Variants in PDCD6IP observed in about 807,000 individuals in gnomAD.
PDCD6IP encodes the protein programmed cell death 6-interacting protein.
In PDCD6IP, 43 loss-of-function variants were observed where a neutral mutation model predicts 103.7. The ratio of observed to expected loss-of-function variants is 0.41; its 90% CI spans 0.32 to 0.53. The LOEUF (loss-of-function observed/expected upper bound fraction) is 0.53. PDCD6IP is among the 20% of genes least tolerant of loss of function. The pLI is 0.16. For synonymous variants in PDCD6IP, 354 were observed against 378.7 expected (o/e 0.93, Z 0.76); for missense variants, 871 against 1,036.7 (o/e 0.84, Z 2.20).
chr3:33,827,136 G>A (rs1697144561), intron 6 of PDCD6IP: 1 of 985,344 alleles, frequency 1.0e-6, no homozygotes, highest in Non-Finnish European at 1.2e-6. Context: ...ATCACAGGAA[G>A]TATAATGTTT....
chr3:33,814,713 ATG>A (rs1379598716), intron 3 of PDCD6IP, among the ~76,000 whole-genome samples: 3 of 146,148 alleles, frequency 2.1e-5, no homozygotes, highest in East Asian at 2.0e-4. Flanking sequence ...GTATGTATAT[ATG>A]TAAGTATATA....
chr3:33,804,546 A>G (rs1248761661), intron 1 of PDCD6IP, among the ~76,000 whole-genome samples: 2 of 152,226 alleles, frequency 1.3e-5, no homozygotes, highest in African/African-American at 2.4e-5. Context: ...CCGTAATTTT[A>G]TTCCACATAG....
chr3:33,811,456 T>G (rs1323646558), intron 1 of PDCD6IP, among the ~76,000 whole-genome samples: 1 of 152,180 alleles, frequency 6.6e-6, no homozygotes, highest in African/African-American at 2.4e-5. Flanking sequence ...GCCTGACCCT[T>G]TTCTCCTCCT....
At chr3:33,842,963 G>A (rs1206725952) in intron 10 of PDCD6IP, among the ~76,000 whole-genome samples, 2 of 152,142 alleles carry the variant, frequency 1.3e-5, no homozygotes, top group South Asian at 2.1e-4. Flanking sequence ...GAAAGAATTT[G>A]TGTTTGCTTC....
chr3:33,813,866 G>C (rs1696771560), intron 3 of PDCD6IP, among the ~76,000 whole-genome samples: 1 of 152,188 alleles, frequency 6.6e-6, no homozygotes, highest in Non-Finnish European at 1.5e-5. Context: ...TTTTTGGGAA[G>C]ATAGTTGATC....
chr3:33,839,091 G>T (rs1201777195), intron 9 of PDCD6IP, among the ~76,000 whole-genome samples: 1 of 152,130 alleles, frequency 6.6e-6, no homozygotes, highest in East Asian at 1.9e-4. Flanking sequence ...ACGGGCATGA[G>T]CCACCATGCT....
chr3:33,803,890 G>A (rs1220542047), intron 1 of PDCD6IP, among the ~76,000 whole-genome samples: 6 of 151,826 alleles, frequency 4.0e-5, no homozygotes, highest in Non-Finnish European at 7.4e-5. Flanking sequence ...TTAGGACTGT[G>A]TATTTTTTTC....
At position 33,836,726 on chromosome 3, in the gene PDCD6IP, G is replaced by GTGC. The variant is rs1276089040; in HGVS notation, c.1057+461_1057+463dup. ...AAAAAAAAATTAACTGGGCATGGTG[G>GTGC]TGCATGCCTGTGGCTTTAGCTACTC... On this transcript the variant is annotated intron_variant, in intron 8 of 17. Coordinates refer to ENST00000307296, the MANE Select transcript of PDCD6IP (RefSeq NM_013374.6). 5.9e-5 allele frequency among the ~76,000 whole-genome samples: 9 copies of GTGC among 151,566 alleles called. No homozygotes were observed. In the East Asian group the frequency reaches 1.6e-3, roughly 26 times the overall value.
intron 1 of PDCD6IP, among the ~76,000 whole-genome samples, chr3:33,801,183 C>T (rs146403718): frequency 8.7e-4 from 132 of 152,172 alleles, no homozygotes; most frequent in Non-Finnish European, 1.3e-3. Flanking sequence ...TAGGTATATA[C>T]GCTGTAAAAT....
At chr3:33,845,327 A>C in intron 11 of PDCD6IP, 92 bp from the exon 12 acceptor site, 1 of 865,006 alleles carries the variant, frequency 1.2e-6, no homozygotes, top group East Asian at 2.7e-5. Flanking sequence ...GAGGATAAGT[A>C]AAGTTGGAGA....
rs188550227 is a variant in PDCD6IP at position 33,866,193 on chromosome 3, C to T, written c.2433-158C>T. Among the ~76,000 whole-genome samples the T allele has an allele frequency of 2.0e-5, 3 of 152,272 alleles. No individual in the cohort carries two copies. The East Asian group carries it at 5.8e-4, about 29-fold the overall frequency. On this transcript the variant is annotated intron_variant, in intron 17 of 17. Transcript: ENST00000307296. ...AATAACAGGATAGGAATGCTTTTCT[C>T]TGACAAGTGCCTTGAAACAGTTTTT... is the stretch of plus-strand genomic sequence containing the variant.
At chr3:33,851,572 A>G (rs992726986) in intron 12 of PDCD6IP, among the ~76,000 whole-genome samples, 1 of 151,958 alleles carries the variant, frequency 6.6e-6, no homozygotes, top group Non-Finnish European at 1.5e-5. Context: ...ACTGGGCTGA[A>G]GCAATTCTCC....
At chr3:33,853,806 G>T in intron 13 of PDCD6IP, 73 bp from the exon 14 acceptor site, 1 of 1,178,552 alleles carries the variant, frequency 8.5e-7, no homozygotes, top group South Asian at 2.3e-5. Context: ...AATTGGAAAA[G>T]ATCAATAAAA....
intron 5 of PDCD6IP, 48 bp from the exon 6 acceptor site, chr3:33,826,432 A>G (rs1697125214): frequency 7.8e-7 from 1 of 1,288,002 alleles, no homozygotes; most frequent in Admixed American, 2.0e-5. Context: ...GAGACATGTC[A>G]GATTAGCTCA....
At chr3:33,847,434 A>T (rs72619961) in intron 12 of PDCD6IP, among the ~76,000 whole-genome samples, 27,920 of 151,970 alleles carry the variant, frequency 0.18, 2,957 homozygotes, top group East Asian at 0.39. Flanking sequence ...AAATTTCAGT[A>T]CTCTCTGTAT....
In PDCD6IP at chr3:33,866,509, ACT is replaced by A. The variant is rs1180182291; in HGVS notation, c.2592_2593del (p.Tyr864Ter). Reference sequence around the variant, plus strand: ...TTCCCTCAGCCCCCACAGCAGTCTTACTATCCACAGCAGTAATATGTCTGCTC... The same window carrying A: ...TTCCCTCAGCCCCCACAGCAGTCTTAATCCACAGCAGTAATATGTCTGCTC... On this transcript the variant is annotated stop_gained and frameshift_variant, in exon 18 of 18. Transcript: ENST00000307296. LOFTEE classifies it high-confidence loss of function. 1.2e-6 allele frequency: 2 copies of A among 1,606,634 alleles called. No individual in the cohort carries two copies. Among genetic ancestry groups the A allele is most frequent in the Non-Finnish European group, 8.5e-7 (1 of 1,177,768 alleles).
Position 33,867,981 on chromosome 3 carries a change from T to C in PDCD6IP, c.*1456T>C, listed in dbSNP as rs921360813. ...AAGGGAGTGAATTGGTTTAAAAATA[T>C]ATGTATATTTTAAACTTTGTTGTGT... On this transcript the variant is annotated 3_prime_UTR_variant, in exon 18 of 18. Coordinates refer to ENST00000307296, the MANE Select transcript of PDCD6IP (RefSeq NM_013374.6). 1.3e-5 allele frequency: 2 copies of C among 152,228 alleles called. No homozygotes were observed. Among genetic ancestry groups the C allele is most frequent in the Admixed American group, 6.5e-5 (1 of 15,280 alleles). 9.4% of individuals were successfully genotyped at this position (152,228 alleles called of 1,614,324 possible). A position where few individuals can be genotyped will look rare whatever the true frequency, so the allele number is the denominator to read the frequency against.
chr3:33,865,374 A>T lies in PDCD6IP; in HGVS notation c.2376A>T (p.Ser792=), dbSNP rs775379507. ...AAPAPSQTPG[S]APPPQAQGPP... is the part of the protein sequence containing the mutation. ...CAGCTCCATCACAAACGCCTGGCTC[A>T]GCTCCTCCTCCACAGGCGCAGGGAC... The change falls in exon 17 of 18, where the codon TCA becomes TCT. Residue 792 remains serine, a synonymous_variant. Coordinates refer to ENST00000307296, the MANE Select transcript of PDCD6IP (RefSeq NM_013374.6). 2 of 1,600,990 alleles carry T rather than the reference A, an allele frequency of 1.2e-6. No homozygotes were observed. The highest frequency in any genetic ancestry group is 1.1e-5 in the South Asian group (1 of 89,070).
In PDCD6IP at chr3:33,867,594, G is replaced by C. The variant is rs1428009428; in HGVS notation, c.*1069G>C. On this transcript the variant is annotated 3_prime_UTR_variant, in exon 18 of 18. Transcript: ENST00000307296. ...CAAGGAGCATACAAAACAATGGTTG[G>C]GAACATATGCCAATTATGGAATAGG... 1 of 152,132 alleles carries C rather than the reference G, an allele frequency of 6.6e-6. No individual in the cohort carries two copies. The highest frequency in any genetic ancestry group is 1.5e-5 in the Non-Finnish European group (1 of 68,014). The allele number at this position is 152,132 out of a possible 1,614,324, so 9.4% of individuals were successfully genotyped here.
Sources: gnomAD v4.1 joint callset for allele counts (sites outside exome capture counted in the v4.1 genomes callset) on GRCh38, gnomAD v4.1.1 for gene constraint, MANE v1.5 for transcripts, NCBI Gene and HGNC (gene_info 2026-07-23, HGNC 2026-07-21) for gene names.